PALM2AKAP2: variants seen among roughly 807,000 people sequenced by gnomAD.
PALM2AKAP2 encodes the protein PALM2-AKAP2 fusion protein.
Under a neutral mutation model 71.5 loss-of-function variants are expected in PALM2AKAP2, and 37 were observed. The ratio of observed to expected loss-of-function variants is 0.52; its 90% CI spans 0.40 to 0.68. The LOEUF (loss-of-function observed/expected upper bound fraction) is 0.68, where lower values mean the gene tolerates loss of function less well. Among genes scored for constraint, PALM2AKAP2 ranks in the 30% least tolerant of loss-of-function variants. The pLI is 0.00. For missense variants in PALM2AKAP2, 1,224 were observed against 1,191.8 expected (o/e 1.03, Z -0.40); for synonymous variants, 468 against 478.8 (o/e 0.98, Z 0.29).
chr9:110,162,223 A>T (rs1433514435), intron 3 of PALM2AKAP2, 91 bp downstream of exon 10: 7 of 1,542,316 alleles, frequency 4.5e-6, no homozygotes, highest in Non-Finnish European at 6.3e-6. Context: ...AGTTAAACGA[A>T]AATGGCAAGA....
At chr9:109,770,580 C>A (rs1331910287) in intron 1 of PALM2AKAP2, among the ~76,000 whole-genome samples, 1 of 152,158 alleles carries the variant, frequency 6.6e-6, no homozygotes, top group Non-Finnish European at 1.5e-5. Flanking sequence ...CATCAAAAGA[C>A]CTTGGATTGC....
chr9:109,678,622 G>A (rs1446852813), intron 1 of PALM2AKAP2, among the ~76,000 whole-genome samples: 1 of 152,128 alleles, frequency 6.6e-6, no homozygotes, highest in African/African-American at 2.4e-5. Context: ...CCTTATCTAG[G>A]AGAGGTGATC....
chr9:109,895,783 A>G (rs1158240937), intron 3 of PALM2AKAP2, among the ~76,000 whole-genome samples: 1 of 152,120 alleles, frequency 6.6e-6, no homozygotes, highest in Non-Finnish European at 1.5e-5. Context: ...GGTTTAATTG[A>G]CTCACAGTTT....
chr9:109,747,540 A>G (rs1350603178), intron 1 of PALM2AKAP2, among the ~76,000 whole-genome samples: 1 of 152,220 alleles, frequency 6.6e-6, no homozygotes, highest in African/African-American at 2.4e-5. Flanking sequence ...AGATTACAAA[A>G]CAGCATTTCT....
chr9:109,748,667 CA>C, intron 1 of PALM2AKAP2, among the ~76,000 whole-genome samples: 1 of 152,170 alleles, frequency 6.6e-6, no homozygotes, highest in Non-Finnish European at 1.5e-5. Flanking sequence ...CTGGGAATTA[CA>C]CTTTGATTTT....
intron 6 of PALM2AKAP2, among the ~76,000 whole-genome samples, chr9:109,974,292 G>T (rs1334115278): frequency 1.3e-5 from 2 of 152,216 alleles, no homozygotes; most frequent in Non-Finnish European, 2.9e-5. Context: ...ATGCCGATGG[G>T]CATATGCCCA....
At chr9:109,757,224 C>A (rs1828977498) in intron 1 of PALM2AKAP2, among the ~76,000 whole-genome samples, 1 of 152,058 alleles carries the variant, frequency 6.6e-6, no homozygotes, top group African/African-American at 2.4e-5. Flanking sequence ...CAAGATATGC[C>A]TTTCTGTGCC....
chr9:110,035,401 C>T (rs187029008), intron 7 of PALM2AKAP2, among the ~76,000 whole-genome samples: 1,979 of 76,638 alleles, frequency 0.026, 54 homozygotes, highest in African/African-American at 0.13. Flanking sequence ...AATACATATA[C>T]GTATATAATA....
upstream of PALM2AKAP2, among the ~76,000 whole-genome samples, chr9:110,044,751 T>C (rs1167221571): frequency 6.6e-6 from 1 of 152,144 alleles, no homozygotes; most frequent in Non-Finnish European, 1.5e-5. Flanking sequence ...GCTGATACTT[T>C]TTGGTCTTTC....
intron 1 of PALM2AKAP2, among the ~76,000 whole-genome samples, chr9:109,758,703 G>C (rs1374852255): frequency 6.6e-6 from 1 of 151,998 alleles, no homozygotes; most frequent in Non-Finnish European, 1.5e-5. Context: ...GTGTACATTT[G>C]CTGTTTAATG....
chr9:110,049,409 A>C (rs1588077601), intron 1 of PALM2AKAP2, among the ~76,000 whole-genome samples: 2 of 152,170 alleles, frequency 1.3e-5, no homozygotes, highest in African/African-American at 4.8e-5. Context: ...CCCCAGCCAG[A>C]GTCTTTCGGG....
At chr9:109,724,800 T>G (rs1367126695) in intron 1 of PALM2AKAP2, among the ~76,000 whole-genome samples, 1 of 152,204 alleles carries the variant, frequency 6.6e-6, no homozygotes, top group Non-Finnish European at 1.5e-5. Flanking sequence ...TCAAAAGCCT[T>G]CATTTTCAAT....
At chr9:110,103,814 A>G (rs900731172) in intron 1 of PALM2AKAP2, among the ~76,000 whole-genome samples, 3 of 152,216 alleles carry the variant, frequency 2.0e-5, no homozygotes, top group African/African-American at 7.2e-5. Context: ...CCAGAATTAG[A>G]TGGGCCTTTG....
At chr9:110,092,612 G>T (rs978081166) in intron 1 of PALM2AKAP2, among the ~76,000 whole-genome samples, 1 of 152,104 alleles carries the variant, frequency 6.6e-6, no homozygotes, top group Non-Finnish European at 1.5e-5. Context: ...GCTGTAGAAG[G>T]ACTGTAATCT....
intron 1 of PALM2AKAP2, among the ~76,000 whole-genome samples, chr9:110,072,925 T>C (rs1306209336): frequency 6.6e-6 from 1 of 152,174 alleles, no homozygotes; most frequent in Admixed American, 6.5e-5. Context: ...CGTGACCATT[T>C]TGATTCTCTA....
chr9:109,809,010 T>C (rs974645541), intron 1 of PALM2AKAP2, among the ~76,000 whole-genome samples: 15 of 152,166 alleles, frequency 9.9e-5, no homozygotes, highest in Non-Finnish European at 2.1e-4. Flanking sequence ...TTTCAGAGTA[T>C]GTATGGAAAT....
At chr9:109,706,305 TA>T (rs200094652) in intron 1 of PALM2AKAP2, among the ~76,000 whole-genome samples, 83 of 151,772 alleles carry the variant, frequency 5.5e-4, no homozygotes, top group African/African-American at 1.1e-3. Context: ...AATTCAGGAT[TA>T]TTTTTTTGAT....
intron 1 of PALM2AKAP2, among the ~76,000 whole-genome samples, chr9:110,067,814 T>A (rs967405107): frequency 2.0e-4 from 30 of 152,260 alleles, no homozygotes; most frequent in African/African-American, 6.3e-4. Context: ...ATTTCCTTTA[T>A]GTTGGCAATT....
chr9:109,736,663 G>C (rs78702396), intron 1 of PALM2AKAP2, among the ~76,000 whole-genome samples: 2 of 152,050 alleles, frequency 1.3e-5, no homozygotes, highest in South Asian at 4.2e-4. Flanking sequence ...TATCTATCGC[G>C]TAGTGGTGAC....
Sources: gnomAD v4.1 joint callset for allele counts (sites outside exome capture counted in the v4.1 genomes callset) on GRCh38, gnomAD v4.1.1 for gene constraint, MANE v1.5 for transcripts, NCBI Gene and HGNC (gene_info 2026-07-23, HGNC 2026-07-21) for gene names.